The following PRKDC variants were observed in gnomAD, a reference collection of about 807,000 sequenced individuals.
The protein encoded by PRKDC is DNA-dependent protein kinase catalytic subunit.
PRKDC carries 82 observed loss-of-function variants against 486.9 expected under a neutral mutation model. The ratio of observed to expected loss-of-function variants is 0.17; its 90% CI spans 0.14 to 0.20. The LOEUF is 0.20. Ranked by LOEUF, PRKDC falls within the 10% of genes least tolerant of loss-of-function variation. The pLI is 1.00. For missense variants in PRKDC, 4,504 were observed against 5,038.2 expected (o/e 0.89, Z 3.21); for synonymous variants, 1,895 against 1,837.0 (o/e 1.03, Z -0.81).
chr8:47,891,677 G>A (rs957148227), intron 31 of PRKDC, among the ~76,000 whole-genome samples: 14 of 151,860 alleles, frequency 9.2e-5, no homozygotes, highest in African/African-American at 1.5e-4. Flanking sequence ...CCAAGATCGC[G>A]CCACTGCACT....
At chr8:47,893,930 G>A (rs961939161) in intron 30 of PRKDC, among the ~76,000 whole-genome samples, 46 of 152,282 alleles carry the variant, frequency 3.0e-4, no homozygotes, top group Non-Finnish European at 5.9e-4. Context: ...CACTGAAAAT[G>A]TCAAATCATT....
rs1427864804 is a variant in PRKDC, at chr8:47,933,025, G to C, written c.1771C>G (p.Gln591Glu). 6.3e-7 allele frequency: 1 copy of C among 1,585,466 alleles called. No individual in the cohort carries two copies. The highest frequency in any genetic ancestry group is 1.4e-5 in the African/African-American group (1 of 73,820). ...LTLEIQTVGE[Q>E]ENGDEAPGVW... Reference sequence around the variant, plus strand: ...TACTGATAAAAATTTCTAACCTCTTGTTCCCCAACAGTCTGTATTTCAAGT... The same window carrying C: ...TACTGATAAAAATTTCTAACCTCTTCTTCCCCAACAGTCTGTATTTCAAGT... The change falls in exon 16 of 86, where the codon CAA (glutamine) becomes GAA (glutamate). Residue 591 changes from glutamine to glutamate, a missense_variant. Physicochemically the swap from Gln to Glu is conservative, Grantham distance 29. Transcript: ENST00000314191.
intron 52 of PRKDC, among the ~76,000 whole-genome samples, chr8:47,850,803 T>G (rs2088386704): frequency 6.6e-6 from 1 of 152,308 alleles, no homozygotes; most frequent in South Asian, 2.1e-4. Context: ...CGAGCCTCTC[T>G]TACTGACTTC....
Position 47,819,859 on chromosome 8 carries a change from G to C in PRKDC, c.9337-349C>G, listed in dbSNP as rs8178206. 3.9e-3 allele frequency among the ~76,000 whole-genome samples: 588 copies of C among 152,182 alleles called. 4 individuals carry two copies. Among genetic ancestry groups the C allele is most frequent in the South Asian group, 0.025 (121 of 4,822 alleles). Reference sequence around the variant, plus strand: ...TTCTTTTTTTGATAAACTTCCTCAAGAGTGCTAATCAACTTCAACACATTA... The same window carrying C: ...TTCTTTTTTTGATAAACTTCCTCAACAGTGCTAATCAACTTCAACACATTA... On this transcript the variant is annotated intron_variant, in intron 66 of 85. Transcript: ENST00000314191.
At chr8:47,887,801 T>G in intron 34 of PRKDC, 96 bp from the exon 35 acceptor site, 3 of 1,291,452 alleles carry the variant, frequency 2.3e-6, no homozygotes, top group Non-Finnish European at 3.1e-6. Flanking sequence ...CCACTTCAGA[T>G]AGCACTGACA....
Position 47,881,885 on chromosome 8 carries a change from T to A in PRKDC, c.4962+27A>T, listed in dbSNP as rs550834265. 2.2e-5 allele frequency: 35 copies of A among 1,568,394 alleles called. No individual in the cohort carries two copies. In the East Asian group the frequency reaches 7.0e-4, roughly 32 times the overall value. On this transcript the variant is annotated intron_variant, in intron 37 of 85. Coordinates refer to ENST00000314191, the MANE Select transcript of PRKDC (RefSeq NM_006904.7). ...GTTACAGAGTTCAGAAGAATAAACA[T>A]GACTGCTTTTTAAAGGAATTGAATA... is the stretch of plus-strand genomic sequence containing the variant.
At chr8:47,833,141 A>G (rs1417460811) in intron 59 of PRKDC, among the ~76,000 whole-genome samples, 2 of 152,214 alleles carry the variant, frequency 1.3e-5, no homozygotes, top group Non-Finnish European at 1.5e-5. Flanking sequence ...CTCACAGCAC[A>G]TGCCAAAAGG....
Position 47,956,691 on chromosome 8 carries a change from A to G in PRKDC, c.324+480T>C, listed in dbSNP as rs1165523991. Among the ~76,000 whole-genome samples, 4 of 152,000 alleles carry G rather than the reference A, an allele frequency of 2.6e-5. No homozygotes were observed. The East Asian group carries it at 5.8e-4, about 22-fold the overall frequency. On this transcript the variant is annotated intron_variant, in intron 3 of 85. Coordinates refer to ENST00000314191, the MANE Select transcript of PRKDC (RefSeq NM_006904.7). Reference sequence around the variant, plus strand: ...GCACTCCAGCCTGGATGACAGAGCAAAACCCTGTCTCACAAAATAAAAACA... The same window carrying G: ...GCACTCCAGCCTGGATGACAGAGCAGAACCCTGTCTCACAAAATAAAAACA...
Position 47,857,295 on chromosome 8 carries a change from A to G in PRKDC, c.6470T>C (p.Phe2157Ser). 1 of 1,605,652 alleles carries G rather than the reference A, an allele frequency of 6.2e-7. No individual in the cohort carries two copies. The highest frequency in any genetic ancestry group is 8.5e-7 in the Non-Finnish European group (1 of 1,177,338). ...AKLVINTEEV[F>S]RPYAKHWLSP... Reference sequence around the variant, plus strand: ...AAGCCAGTGCTTCGCGTAAGGGCGAAAGACCTACAAGAGGATGTAAAAGTC... The same window carrying G: ...AAGCCAGTGCTTCGCGTAAGGGCGAGAGACCTACAAGAGGATGTAAAAGTC... The change falls in exon 49 of 86, where the codon TTT (phenylalanine) becomes TCT (serine). Residue 2157 changes from phenylalanine (F) to serine (S), a missense_variant. Coordinates refer to ENST00000314191, the MANE Select transcript of PRKDC (RefSeq NM_006904.7).
chr8:47,959,485 T>C (rs1422104301), intron 1 of PRKDC, among the ~76,000 whole-genome samples: 1 of 151,994 alleles, frequency 6.6e-6, no homozygotes, highest in Non-Finnish European at 1.5e-5. Flanking sequence ...GAGACCAGCC[T>C]GACCAACATG....
intron 45 of PRKDC, 27 bp downstream of exon 45, chr8:47,860,872 T>G: frequency 6.4e-7 from 1 of 1,561,062 alleles, no homozygotes; most frequent in Non-Finnish European, 8.8e-7. Context: ...ATTTGAATCC[T>G]TTCTCATGAT....
At chr8:47,781,845 A>G (rs191782745) in intron 80 of PRKDC, among the ~76,000 whole-genome samples, 6 of 152,360 alleles carry the variant, frequency 3.9e-5, no homozygotes, top group Admixed American at 3.9e-4. Flanking sequence ...AAATTGGTTC[A>G]TACACGTTAA....
Position 47,854,161 on chromosome 8 carries a change from A to C in PRKDC, c.6815T>G (p.Val2272Gly). Residue 2272 changes from valine to glycine, a missense_variant, in exon 51 of 86, where the codon GTA (valine) becomes GGA (glycine). This residue lies in a region of PRKDC where 1,592 missense variants were observed against 1,724.6 expected (regional missense o/e 0.92). Coordinates refer to ENST00000314191, the MANE Select transcript of PRKDC (RefSeq NM_006904.7). The stretch of plus-strand genomic sequence containing the variant: ...CACGATGCCTAGCAATTGAATCCCT[A>C]CTGAGTTGTCTTTAGAATTAGGATC... ...GKDPNSKDNS[V>G]GIQLLGIVMA... 1 of 1,613,710 alleles carries C rather than the reference A, an allele frequency of 6.2e-7. No individual in the cohort carries two copies. Among genetic ancestry groups the C allele is most frequent in the Non-Finnish European group, 8.5e-7 (1 of 1,179,560 alleles).
chr8:47,851,163 G>C (rs768775421), intron 52 of PRKDC, among the ~76,000 whole-genome samples: 1 of 152,110 alleles, frequency 6.6e-6, no homozygotes, highest in Admixed American at 6.6e-5. Flanking sequence ...CGATAAATCC[G>C]TATCACTTTT....
In PRKDC at chr8:47,821,716, TCAAGGGATG is replaced by T; in HGVS notation, c.8990_8998del (p.Ala2997_Leu2999del). 1 of 1,600,476 alleles carries T rather than the reference TCAAGGGATG, an allele frequency of 6.2e-7. No individual in the cohort carries two copies. The highest frequency in any genetic ancestry group is 8.5e-7 in the Non-Finnish European group (1 of 1,173,046). On this transcript the variant is annotated inframe_deletion, in exon 65 of 86. Coordinates refer to ENST00000314191, the MANE Select transcript of PRKDC (RefSeq NM_006904.7). ...CCACTCAGCAAGGTGGTTGTAACAG[TCAAGGGATG>T]CAAGTTCCCAAAAATCCTTCTCGGC... is the stretch of plus-strand genomic sequence containing the variant.
rs928308518 is a variant in PRKDC, at chr8:47,814,938, G to A, written c.9557+2512C>T. On this transcript the variant is annotated intron_variant, in intron 68 of 85. Transcript: ENST00000314191. ...AGCACACTGGGAGGCTGAGGTGGGC[G>A]TGTTGCTTGAGCCCAGGAGTTACAT... Among the ~76,000 whole-genome samples, 6 of 152,214 alleles carry A rather than the reference G, an allele frequency of 3.9e-5. No homozygotes were observed. In the East Asian group the frequency reaches 9.6e-4, roughly 24 times the overall value.
intron 54 of PRKDC, among the ~76,000 whole-genome samples, chr8:47,842,375 T>TA (rs956613346): frequency 1.3e-5 from 2 of 151,798 alleles, no homozygotes; most frequent in African/African-American, 4.8e-5. Flanking sequence ...ATTATATCAC[T>TA]AAAAAAAATT....
chr8:47,936,249 T>G, intron 12 of PRKDC, 104 bp downstream of exon 12: 3 of 1,287,916 alleles, frequency 2.3e-6, no homozygotes, highest in Non-Finnish European at 3.2e-6. Flanking sequence ...ACTGTCATGT[T>G]GTTCCCAACA....
chr8:47,942,112 C>A (rs1007181494), intron 10 of PRKDC, among the ~76,000 whole-genome samples: 1 of 152,238 alleles, frequency 6.6e-6, no homozygotes, highest in Admixed American at 6.5e-5. Flanking sequence ...CTCCTCCTTG[C>A]TAACAAGGCA....
Sources: allele counts gnomAD v4.1 joint callset (sites outside exome capture counted in the v4.1 genomes callset), GRCh38; gene constraint gnomAD v4.1.1; regional missense constraint gnomAD v4.1.1; transcripts MANE v1.5; gene names NCBI Gene and HGNC (gene_info 2026-07-23, HGNC 2026-07-21).